Variants in RPS6KC1 observed in about 807,000 individuals in gnomAD.
RPS6KC1 encodes the protein ribosomal protein S6 kinase C1.
RPS6KC1 carries 54 observed loss-of-function variants against 103.8 expected under a neutral mutation model. That is an observed-to-expected ratio of 0.52 (90% CI 0.42 to 0.65). The LOEUF is 0.65. Among genes scored for constraint, RPS6KC1 ranks in the 30% least tolerant of loss-of-function variants. The pLI is 0.00. For missense variants in RPS6KC1, 1,151 were observed against 1,253.8 expected (o/e 0.92, Z 1.24); for synonymous variants, 439 against 438.7 (o/e 1.00, Z -0.01).
At chr1:213,852,262 C>G in the RPS6KC1 span, among the ~76,000 whole-genome samples, 1 of 152,246 alleles carries the variant, frequency 6.6e-6, no homozygotes, top group African/African-American at 2.4e-5. Context: ...ATTCTCTGCT[C>G]TAGACCTTTC....
At chr1:213,518,166 A>G in the RPS6KC1 span, among the ~76,000 whole-genome samples, 1 of 152,208 alleles carries the variant, frequency 6.6e-6, no homozygotes, top group African/African-American at 2.4e-5. Flanking sequence ...AAACCTCCAG[A>G]AAAGTCTATG....
chr1:213,384,275 C>CAAA, the RPS6KC1 span, among the ~76,000 whole-genome samples: 355 of 144,990 alleles, frequency 2.4e-3, 1 homozygote, highest in African/African-American at 8.9e-3. Context: ...GACTCCATCT[C>CAAA]AAAAAAAAAT....
chr1:213,051,625 C>A, intron 1 of RPS6KC1, 116 bp downstream of exon 1: 1 of 708,206 alleles, frequency 1.4e-6, no homozygotes, highest in Non-Finnish European at 2.4e-6. Context: ...GGACTGGGTG[C>A]TGCTCCTACT....
At chr1:213,211,601 G>T (rs1333653746) in intron 8 of RPS6KC1, among the ~76,000 whole-genome samples, 1 of 152,138 alleles carries the variant, frequency 6.6e-6, no homozygotes, top group African/African-American at 2.4e-5. Flanking sequence ...CCTAGAATTT[G>T]AAAAATTATA....
chr1:213,829,085 G>A, the RPS6KC1 span, among the ~76,000 whole-genome samples: 2 of 152,012 alleles, frequency 1.3e-5, no homozygotes, highest in African/African-American at 4.8e-5. Context: ...CATGCTATTA[G>A]GACCACTTAT....
At chr1:213,829,835 G>A in the RPS6KC1 span, among the ~76,000 whole-genome samples, 4 of 152,166 alleles carry the variant, frequency 2.6e-5, no homozygotes, top group Non-Finnish European at 4.4e-5. Flanking sequence ...TATATACTCA[G>A]AATGCCATAC....
chr1:213,257,786 C>CTTTTTTTTTTTTT (rs71147062), intron 12 of RPS6KC1, among the ~76,000 whole-genome samples: 1 of 49,408 alleles, frequency 2.0e-5, no homozygotes, highest in Non-Finnish European at 3.5e-5. Flanking sequence ...ACAGGTAAAA[C>CTTTTTTTTTTTTT]TTTTTTTTTT....
chr1:213,153,589 C>T (rs1199251245), intron 6 of RPS6KC1, among the ~76,000 whole-genome samples: 1 of 152,174 alleles, frequency 6.6e-6, no homozygotes, highest in Non-Finnish European at 1.5e-5. Flanking sequence ...AGACTTCCTA[C>T]TTAGGATAAG....
the RPS6KC1 span, among the ~76,000 whole-genome samples, chr1:213,614,533 A>C: frequency 6.6e-6 from 1 of 152,156 alleles, no homozygotes; most frequent in African/African-American, 2.4e-5. Flanking sequence ...CCACCATCTT[A>C]TCTGATGTTT....
At chr1:213,135,240 A>ATTCCTAGGAATT (rs2086143336) in intron 6 of RPS6KC1, among the ~76,000 whole-genome samples, 1 of 152,034 alleles carries the variant, frequency 6.6e-6, no homozygotes, top group South Asian at 2.1e-4. Context: ...CTTATATTGA[A>ATTCCTAGGAATT]CCACTCTGGA....
At chr1:213,146,805 G>C (rs1410402140) in intron 6 of RPS6KC1, among the ~76,000 whole-genome samples, 1 of 151,070 alleles carries the variant, frequency 6.6e-6, no homozygotes, top group Non-Finnish European at 1.5e-5. Flanking sequence ...ACTAATTTAC[G>C]TTCCCACCAA....
the RPS6KC1 span, among the ~76,000 whole-genome samples, chr1:213,345,117 A>G: frequency 6.6e-6 from 1 of 152,240 alleles, no homozygotes; most frequent in African/African-American, 2.4e-5. Context: ...ATTTGCCTCA[A>G]CTTAATATTG....
chr1:213,653,766 T>A, the RPS6KC1 span, among the ~76,000 whole-genome samples: 5 of 152,218 alleles, frequency 3.3e-5, no homozygotes, highest in African/African-American at 1.2e-4. Context: ...GAATTTAAAA[T>A]GTGGGTTTCT....
At chr1:213,453,165 ACTC>A in the RPS6KC1 span, among the ~76,000 whole-genome samples, 1 of 151,530 alleles carries the variant, frequency 6.6e-6, no homozygotes, top group Non-Finnish European at 1.5e-5. Context: ...ACACATTTCT[ACTC>A]CTGGACGGTA....
chr1:213,838,621 G>C, the RPS6KC1 span, among the ~76,000 whole-genome samples: 1 of 152,096 alleles, frequency 6.6e-6, no homozygotes, highest in African/African-American at 2.4e-5. Context: ...TTAAGCCATT[G>C]GTTAGTCAGG....
intron 6 of RPS6KC1, among the ~76,000 whole-genome samples, chr1:213,165,463 G>T (rs1043443555): frequency 1.8e-4 from 28 of 151,628 alleles, no homozygotes; most frequent in Admixed American, 1.8e-3. Flanking sequence ...TTGCACTGTC[G>T]CCCAGGCTGG....
At chr1:213,838,775 G>A in the RPS6KC1 span, among the ~76,000 whole-genome samples, 2 of 152,106 alleles carry the variant, frequency 1.3e-5, no homozygotes, top group Non-Finnish European at 2.9e-5. Flanking sequence ...TCCCTCTACT[G>A]GCACCAGATT....
At chr1:213,260,224 G>A (rs2094752884) in intron 12 of RPS6KC1, among the ~76,000 whole-genome samples, 1 of 152,146 alleles carries the variant, frequency 6.6e-6, no homozygotes, top group African/African-American at 2.4e-5. Context: ...GTTAATATCT[G>A]GTTTCTTTTT....
chr1:213,235,739 T>C (rs867115921), intron 10 of RPS6KC1, among the ~76,000 whole-genome samples: 3 of 152,074 alleles, frequency 2.0e-5, no homozygotes, highest in Non-Finnish European at 4.4e-5. Flanking sequence ...CTGTATAGCA[T>C]TGTAGGCCAC....
Sources: gnomAD v4.1 joint callset for allele counts (sites outside exome capture counted in the v4.1 genomes callset) on GRCh38, gnomAD v4.1.1 for gene constraint, MANE v1.5 for transcripts, NCBI Gene and HGNC (gene_info 2026-07-23, HGNC 2026-07-21) for gene names.